Variants in PIGU observed in about 807,000 individuals in gnomAD.
PIGU encodes GPI-anchor transamidase component PIGU.
PIGU carries 24 observed loss-of-function variants against 49.9 expected under a neutral mutation model. The observed-to-expected ratio is 0.48, with a 90% confidence interval of 0.35 to 0.68. The LOEUF is 0.68. Among genes scored for constraint, PIGU ranks in the 30% least tolerant of loss-of-function variants. PIGU has a pLI of 0.01. For synonymous variants in PIGU, 220 were observed against 205.7 expected, an observed-to-expected ratio of 1.07 and a Z score of -0.59; for missense variants, 490 against 532.6, an observed-to-expected ratio of 0.92 and a Z score of 0.79.
intron 4 of PIGU, 68 bp downstream of exon 4, chr20:34,644,096 C>A: frequency 7.2e-7 from 1 of 1,385,898 alleles, no homozygotes; most frequent in Non-Finnish European, 1.0e-6. Context: ...AGTATAAGAT[C>A]TTTGTAATAA....
At chr20:34,647,993 T>TA (rs1339674911) in intron 2 of PIGU, among the ~76,000 whole-genome samples, 5 of 152,166 alleles carry the variant, frequency 3.3e-5, no homozygotes, top group African/African-American at 1.2e-4. Flanking sequence ...CTCATGCCTA[T>TA]AATCTCAGCA....
chr20:34,672,248 T>G (rs1987330810), intron 1 of PIGU, among the ~76,000 whole-genome samples: 1 of 152,138 alleles, frequency 6.6e-6, no homozygotes, highest in African/African-American at 2.4e-5. Flanking sequence ...GCCTGGAAAT[T>G]TATATGTATT....
In PIGU at chr20:34,605,160, T is replaced by A. The variant is rs550926400; in HGVS notation, c.627+10882A>T. On this transcript the variant is annotated intron_variant, in intron 7 of 11. Coordinates refer to ENST00000217446, the MANE Select transcript of PIGU (RefSeq NM_080476.5). ...CAAATCATAACATTTTAAACCTCTCTCTAATTTGGAAACTAGGCTCTCAGC... is the reference window on the plus strand; with the variant it reads ...CAAATCATAACATTTTAAACCTCTCACTAATTTGGAAACTAGGCTCTCAGC... Among the ~76,000 whole-genome samples the A allele has an allele frequency of 2.0e-5, 3 of 152,228 alleles. No individual in the cohort carries two copies. In the South Asian group the frequency reaches 6.2e-4, roughly 32 times the overall value.
At chr20:34,665,901 T>C (rs1017171944) in intron 1 of PIGU, among the ~76,000 whole-genome samples, 1 of 152,018 alleles carries the variant, frequency 6.6e-6, no homozygotes, top group South Asian at 2.1e-4. Context: ...CTAATATATA[T>C]AAAAATGTTC....
chr20:34,650,700 C>CTTTTTTTTTGTTTTTTTTTTTT (rs1986510229), intron 2 of PIGU, among the ~76,000 whole-genome samples: 1 of 38,778 alleles, frequency 2.6e-5, no homozygotes, highest in Non-Finnish European at 4.4e-5. Context: ...CTTTTTTTCT[C>CTTTTTTTTTGTTTTTTTTTTTT]TTTTTTTTTT....
At chr20:34,607,735 G>C (rs1420271307) in intron 7 of PIGU, among the ~76,000 whole-genome samples, 1 of 152,214 alleles carries the variant, frequency 6.6e-6, no homozygotes, top group Non-Finnish European at 1.5e-5. Flanking sequence ...TGTGGCTCCA[G>C]GGATCATGAG....
chr20:34,621,065 G>A (rs973577432), intron 6 of PIGU, among the ~76,000 whole-genome samples: 2 of 152,020 alleles, frequency 1.3e-5, no homozygotes, highest in Admixed American at 6.5e-5. Flanking sequence ...GCCTAATACT[G>A]ATGCTATCTT....
chr20:34,625,964 A>G (rs1011521386), intron 6 of PIGU, among the ~76,000 whole-genome samples: 1 of 148,360 alleles, frequency 6.7e-6, no homozygotes, highest in African/African-American at 2.5e-5. Flanking sequence ...TATAATATAT[A>G]TATATATATA....
At chr20:34,658,224 A>C (rs3928101) in intron 1 of PIGU, among the ~76,000 whole-genome samples, 58,729 of 151,400 alleles carry the variant, frequency 0.39, 11,606 homozygotes, top group Admixed American at 0.55. Flanking sequence ...CCAGCTCCTA[A>C]CCGCGAGTGA....
chr20:34,587,133 C>T (rs1229122235), intron 8 of PIGU, among the ~76,000 whole-genome samples: 7 of 152,146 alleles, frequency 4.6e-5, no homozygotes, highest in Middle Eastern at 3.2e-3. Context: ...ACCTGGAAAC[C>T]GGAGAAATGC....
intron 10 of PIGU, among the ~76,000 whole-genome samples, chr20:34,576,206 C>G (rs1378768393): frequency 1.3e-5 from 2 of 151,580 alleles, no homozygotes; most frequent in African/African-American, 4.9e-5. Flanking sequence ...GAGAGCCCAT[C>G]TCTAAAAAAA....
intron 10 of PIGU, among the ~76,000 whole-genome samples, chr20:34,580,772 G>A (rs906366614): frequency 5.9e-5 from 9 of 152,122 alleles, no homozygotes; most frequent in Non-Finnish European, 1.3e-4. Flanking sequence ...CTACCCTGAC[G>A]GAGCCCCCAA....
At chr20:34,615,919 T>C in intron 7 of PIGU, 123 bp downstream of exon 7, 1 of 1,402,326 alleles carries the variant, frequency 7.1e-7, no homozygotes, top group Non-Finnish European at 9.3e-7. Context: ...TGTGTTTATA[T>C]TTTCAACTGG....
intron 7 of PIGU, among the ~76,000 whole-genome samples, chr20:34,596,657 G>A (rs966228301): frequency 5.3e-5 from 8 of 151,956 alleles, no homozygotes; most frequent in African/African-American, 9.7e-5. Context: ...AAATTAGAGC[G>A]TTCTACAAGG....
chr20:34,591,244 T>C (rs1983968308), intron 7 of PIGU, among the ~76,000 whole-genome samples: 2 of 152,080 alleles, frequency 1.3e-5, no homozygotes, highest in East Asian at 3.8e-4. Context: ...AGTTCTAAAT[T>C]TGAATGTAAC....
intron 7 of PIGU, among the ~76,000 whole-genome samples, chr20:34,597,636 C>T (rs1387513253): frequency 6.6e-6 from 1 of 152,050 alleles, no homozygotes; most frequent in East Asian, 1.9e-4. Context: ...GATGCTTATG[C>T]TGAATTATTT....
chr20:34,595,040 G>C (rs1015783445), intron 7 of PIGU, among the ~76,000 whole-genome samples: 5 of 137,006 alleles, frequency 3.6e-5, no homozygotes, highest in African/African-American at 1.4e-4. Flanking sequence ...AGCTTGCAGT[G>C]AGCCGAGATC....
At chr20:34,664,996 A>G (rs1021733988) in intron 1 of PIGU, among the ~76,000 whole-genome samples, 6 of 151,860 alleles carry the variant, frequency 4.0e-5, no homozygotes, top group Admixed American at 2.6e-4. Context: ...AGAAAAAAAA[A>G]GTATAGGAAG....
chr20:34,630,599 G>C (rs1253254564), intron 6 of PIGU, among the ~76,000 whole-genome samples: 1 of 152,138 alleles, frequency 6.6e-6, no homozygotes, highest in Non-Finnish European at 1.5e-5. Context: ...AACAAGCCCT[G>C]CCCATGCACG....
Sources: allele counts gnomAD v4.1 joint callset (sites outside exome capture counted in the v4.1 genomes callset), GRCh38; gene constraint gnomAD v4.1.1; transcripts MANE v1.5; gene names NCBI Gene and HGNC (gene_info 2026-07-23, HGNC 2026-07-21).